GRIK1: variants seen among roughly 807,000 people sequenced by gnomAD.
GRIK1 encodes the protein glutamate receptor ionotropic, kainate 1.
GRIK1 carries 69 observed loss-of-function variants against 105.7 expected under a neutral mutation model. The observed-to-expected ratio is 0.65, with a 90% CI of 0.54 to 0.80. The LOEUF (loss-of-function observed/expected upper bound fraction) is 0.80. Ranked by LOEUF, GRIK1 falls within the 30% of genes least tolerant of loss-of-function variation. The probability of loss-of-function intolerance (pLI) is 0.00; values close to 1 mark genes in which losing one functional copy is unlikely to be tolerated. For missense variants in GRIK1, 1,109 were observed against 1,167.3 expected (o/e 0.95, Z 0.73); for synonymous variants, 438 against 431.3 (o/e 1.02, Z -0.19).
intron 1 of GRIK1, among the ~76,000 whole-genome samples, chr21:29,777,635 G>A (rs1354570091): frequency 6.6e-6 from 1 of 152,156 alleles, no homozygotes; most frequent in Non-Finnish European, 1.5e-5. Context: ...CGAATATCTG[G>A]TGATACTGAA....
At chr21:29,858,015 TC>T (rs910409677) in intron 1 of GRIK1, among the ~76,000 whole-genome samples, 4 of 152,162 alleles carry the variant, frequency 2.6e-5, no homozygotes, top group African/African-American at 9.7e-5. Flanking sequence ...TTCTCTTGCC[TC>T]AGCCCCGCCG....
At chr21:29,806,609 G>A (rs1008952837) in intron 1 of GRIK1, among the ~76,000 whole-genome samples, 29 of 152,178 alleles carry the variant, frequency 1.9e-4, no homozygotes, top group African/African-American at 7.0e-4. Flanking sequence ...TCACTAGGTA[G>A]GGGCCTTTTA....
At chr21:29,848,777 A>ATTTTT (rs1217856804) in intron 1 of GRIK1, among the ~76,000 whole-genome samples, 12 of 70,918 alleles carry the variant, frequency 1.7e-4, no homozygotes, top group Non-Finnish European at 2.6e-4. Context: ...ATATATATAT[A>ATTTTT]TATTTTTTTT....
At chr21:29,627,930 T>C (rs1323183804) in intron 7 of GRIK1, among the ~76,000 whole-genome samples, 1 of 152,198 alleles carries the variant, frequency 6.6e-6, no homozygotes, top group Non-Finnish European at 1.5e-5. Flanking sequence ...CAAAAATTTG[T>C]TTATACTTAG....
intron 3 of GRIK1, among the ~76,000 whole-genome samples, chr21:29,687,008 GGAAA>G (rs1239510297): frequency 6.6e-6 from 1 of 152,174 alleles, no homozygotes; most frequent in Non-Finnish European, 1.5e-5. Flanking sequence ...AGGACATCCA[GGAAA>G]GAGAGAGAAG....
chr21:29,775,913 G>A lies in GRIK1; in HGVS notation c.119-81850C>T, dbSNP rs763397099. Among the ~76,000 whole-genome samples the A allele has an allele frequency of 1.3e-4, 20 of 152,278 alleles. No individual in the cohort carries two copies. The South Asian group carries it at 1.5e-3, about 11-fold the overall frequency. ...TTCATACTGCTATAAAGAACTGCCC[G>A]AGACTGGGTAATTTATAAAGGAAAG... On this transcript the variant is annotated intron_variant, in intron 1 of 17. Coordinates refer to ENST00000327783, the MANE Select transcript of GRIK1 (RefSeq NM_001330994.2).
intron 1 of GRIK1, among the ~76,000 whole-genome samples, chr21:29,810,444 G>A (rs1011534946): frequency 1.3e-5 from 2 of 151,956 alleles, no homozygotes; most frequent in African/African-American, 2.4e-5. Context: ...CAATGCAGGC[G>A]TGCCCAAAAC....
intron 1 of GRIK1, among the ~76,000 whole-genome samples, chr21:29,867,091 G>A (rs1286660462): frequency 1.3e-5 from 2 of 152,068 alleles, no homozygotes; most frequent in Non-Finnish European, 2.9e-5. Context: ...TTTAGTATAC[G>A]CTCAATAACC....
At chr21:29,848,769 A>T (rs1479623319) in intron 1 of GRIK1, among the ~76,000 whole-genome samples, 12 of 94,074 alleles carry the variant, frequency 1.3e-4, no homozygotes, top group African/African-American at 7.0e-4. Flanking sequence ...ATATATATAT[A>T]TATATATATA....
intron 1 of GRIK1, among the ~76,000 whole-genome samples, chr21:29,721,363 A>G (rs761043595): frequency 1.3e-5 from 2 of 152,158 alleles, no homozygotes; most frequent in Non-Finnish European, 2.9e-5. Flanking sequence ...ATTGTGGATG[A>G]AAAGGGCAGA....
At chr21:29,930,133 T>C (rs2071516899) in intron 1 of GRIK1, among the ~76,000 whole-genome samples, 1 of 152,164 alleles carries the variant, frequency 6.6e-6, no homozygotes, top group Non-Finnish European at 1.5e-5. Context: ...TGGACATGCA[T>C]GGAAACAGCC....
chr21:29,745,297 C>T (rs2065024163), intron 1 of GRIK1, among the ~76,000 whole-genome samples: 1 of 152,166 alleles, frequency 6.6e-6, no homozygotes, highest in Admixed American at 6.5e-5. Flanking sequence ...AAGTAGATGC[C>T]TCTGCTGTTG....
At chr21:29,548,814 G>A (rs1438081583) in intron 16 of GRIK1, among the ~76,000 whole-genome samples, 1 of 151,998 alleles carries the variant, frequency 6.6e-6, no homozygotes, top group Non-Finnish European at 1.5e-5. Context: ...TTTTCCCAAC[G>A]GCAAGATTCC....
At chr21:29,750,481 A>T (rs1192698444) in intron 1 of GRIK1, among the ~76,000 whole-genome samples, 1 of 152,144 alleles carries the variant, frequency 6.6e-6, no homozygotes, top group Admixed American at 6.5e-5. Flanking sequence ...AACTACAAAG[A>T]TTTGAGACTC....
intron 7 of GRIK1, among the ~76,000 whole-genome samples, chr21:29,613,956 A>G (rs1349069479): frequency 6.6e-6 from 1 of 152,172 alleles, no homozygotes; most frequent in African/African-American, 2.4e-5. Flanking sequence ...GTCTTTTCAA[A>G]GACTGCTTGC....
chr21:29,586,352 T>G (rs363434), intron 12 of GRIK1, among the ~76,000 whole-genome samples: 85,488 of 152,016 alleles, frequency 0.56, 26,947 homozygotes, highest in African/African-American at 0.86. Context: ...TTCCAGCCTG[T>G]GTTATTTTCC....
chr21:29,643,549 G>A (rs1294200845), intron 6 of GRIK1, among the ~76,000 whole-genome samples: 1 of 152,212 alleles, frequency 6.6e-6, no homozygotes, highest in Non-Finnish European at 1.5e-5. Context: ...GCAGACAAGT[G>A]CAGCTTGCTC....
At chr21:29,695,875 C>T (rs945043292) in intron 1 of GRIK1, among the ~76,000 whole-genome samples, 2 of 152,092 alleles carry the variant, frequency 1.3e-5, no homozygotes, top group Non-Finnish European at 2.9e-5. Context: ...TTTACAAGTG[C>T]TCTCAGTTCT....
At chr21:29,705,273 G>A (rs1376698096) in intron 1 of GRIK1, among the ~76,000 whole-genome samples, 1 of 152,222 alleles carries the variant, frequency 6.6e-6, no homozygotes, top group Admixed American at 6.5e-5. Context: ...GTGCGTATAT[G>A]TTGCCCATGA....
Sources: gnomAD v4.1 joint callset for allele counts (sites outside exome capture counted in the v4.1 genomes callset) on GRCh38, gnomAD v4.1.1 for gene constraint, MANE v1.5 for transcripts, NCBI Gene and HGNC (gene_info 2026-07-23, HGNC 2026-07-21) for gene names.